EPS15: variants seen among roughly 807,000 people sequenced by gnomAD.
The protein encoded by EPS15 is epidermal growth factor receptor pathway substrate 15, also known as epidermal growth factor receptor substrate 15.
Under a neutral mutation model 113.8 loss-of-function variants are expected in EPS15, and 72 were observed. The ratio of observed to expected loss-of-function variants is 0.63; its 90% CI spans 0.52 to 0.77. The LOEUF (loss-of-function observed/expected upper bound fraction) is 0.77, where lower values mean the gene tolerates loss of function less well. EPS15 is among the 30% of genes least tolerant of loss of function. EPS15 has a pLI of 0.00. For synonymous variants in EPS15, 344 were observed against 363.4 expected (o/e 0.95, Z 0.61); for missense variants, 1,048 against 1,045.8 (o/e 1.00, Z -0.03).
At chr1:51,415,897 TGC>T (rs1477322322) in intron 13 of EPS15, among the ~76,000 whole-genome samples, 1 of 149,664 alleles carries the variant, frequency 6.7e-6, no homozygotes, top group Non-Finnish European at 1.5e-5. Flanking sequence ...ATTATTAAAC[TGC>T]ACAAAATCAA....
chr1:51,386,140 C>A (rs1647065106), intron 21 of EPS15, among the ~76,000 whole-genome samples: 1 of 152,196 alleles, frequency 6.6e-6, no homozygotes, highest in Non-Finnish European at 1.5e-5. Context: ...AGAAGAGCAG[C>A]TGGCTCATTT....
rs1340872992 is a variant in EPS15 at position 51,354,408 on chromosome 1, T to C, written c.*2292A>G. 5.5e-6 allele frequency: 1 copy of C among 180,228 alleles called. No individual in the cohort carries two copies. Among genetic ancestry groups the C allele is most frequent in the African/African-American group, 2.4e-5 (1 of 42,382 alleles). The allele number at this position is 180,228 out of a possible 1,614,324, so 11.2% of individuals were successfully genotyped here. On this transcript the variant is annotated 3_prime_UTR_variant, in exon 25 of 25. Coordinates refer to ENST00000371733, the MANE Select transcript of EPS15 (RefSeq NM_001981.3). ...GAACCATGCAAAACTCAATTGCAAA[T>C]TGGATATATGGATGGGATTCTTTAT... is the stretch of plus-strand genomic sequence containing the variant.
chr1:51,362,179 A>C (rs1646402120), intron 23 of EPS15, among the ~76,000 whole-genome samples: 1 of 152,344 alleles, frequency 6.6e-6, no homozygotes, highest in Admixed American at 6.5e-5. Context: ...AGATTCCATC[A>C]CTGTAGCTGC....
chr1:51,375,108 T>G (rs1646766255), intron 21 of EPS15, among the ~76,000 whole-genome samples: 1 of 149,908 alleles, frequency 6.7e-6, no homozygotes, highest in South Asian at 2.1e-4. Context: ...TTCACGCCAT[T>G]CTCCTGCCTC....
chr1:51,481,284 A>G lies in EPS15; in HGVS notation c.64T>C (p.Tyr22His). The G allele has an allele frequency of 7.3e-7, 1 of 1,372,300 alleles. No homozygotes were observed. Among genetic ancestry groups the G allele is most frequent in the Non-Finnish European group, 1.0e-6 (1 of 963,358 alleles). 85.0% of individuals were successfully genotyped at this position (1,372,300 alleles called of 1,614,324 possible). ...LSSGNPVYEK[Y>H]YRQVDTGNTG... ...AACAAAAATCTTACCTGTCTATAGT[A>G]TTTTTCATATACAGGATTCCCACTT... Residue 22 changes from tyrosine to histidine, a missense_variant, in exon 2 of 25, where the codon TAC (tyrosine) becomes CAC (histidine). Physicochemically the swap from Tyr to His is moderately conservative, Grantham distance 83. Transcript: ENST00000371733.
chr1:51,505,852 C>A (rs990980751), intron 1 of EPS15, among the ~76,000 whole-genome samples: 2 of 150,576 alleles, frequency 1.3e-5, no homozygotes, highest in Non-Finnish European at 3.0e-5. Flanking sequence ...AGTGCAATGG[C>A]GCAATCTTGG....
At chr1:51,453,299 T>G (rs1280453072) in intron 8 of EPS15, among the ~76,000 whole-genome samples, 1 of 152,138 alleles carries the variant, frequency 6.6e-6, no homozygotes, top group African/African-American at 2.4e-5. Flanking sequence ...AGACAACACA[T>G]TTTTATGAAA....
chr1:51,466,360 G>A (rs968011655), intron 5 of EPS15, among the ~76,000 whole-genome samples: 13 of 151,902 alleles, frequency 8.6e-5, no homozygotes, highest in South Asian at 4.2e-4. Context: ...GGTGGCTCAC[G>A]TCTGTAATCC....
At chr1:51,500,770 G>A (rs1452126917) in intron 1 of EPS15, among the ~76,000 whole-genome samples, 1 of 151,774 alleles carries the variant, frequency 6.6e-6, no homozygotes, top group Admixed American at 6.6e-5. Context: ...GGATCACGAG[G>A]TCAGGAGTTT....
intron 8 of EPS15, among the ~76,000 whole-genome samples, chr1:51,453,749 C>T (rs1244461760): frequency 1.3e-5 from 2 of 151,864 alleles, no homozygotes; most frequent in Admixed American, 1.3e-4. Context: ...TTACTAACAG[C>T]TGTCCACTTT....
At chr1:51,446,627 G>A (rs564077438) in intron 10 of EPS15, among the ~76,000 whole-genome samples, 1 of 152,088 alleles carries the variant, frequency 6.6e-6, no homozygotes, top group East Asian at 1.9e-4. Context: ...CTAATTTTTT[G>A]TGTTTTTAGT....
chr1:51,403,241 G>A (rs746748897), intron 17 of EPS15, among the ~76,000 whole-genome samples, 178 bp downstream of exon 17: 1 of 152,056 alleles, frequency 6.6e-6, no homozygotes, highest in Non-Finnish European at 1.5e-5. Flanking sequence ...ATAAATTCAA[G>A]GGGCACAAGT....
At chr1:51,508,248 AAGAGAGAG>A (rs151142424) in intron 1 of EPS15, among the ~76,000 whole-genome samples, 1 of 103,960 alleles carries the variant, frequency 9.6e-6, no homozygotes, top group Non-Finnish European at 1.8e-5. Context: ...GAAAGAGAGA[AAGAGAGAG>A]AGAGAGAGAG....
intron 6 of EPS15, among the ~76,000 whole-genome samples, chr1:51,464,525 C>T (rs1426699278): frequency 6.6e-6 from 1 of 151,954 alleles, no homozygotes; most frequent in Non-Finnish European, 1.5e-5. Context: ...CAGGCATGAG[C>T]CACAAATAAA....
At position 51,465,303 on chromosome 1, in the gene EPS15, T is replaced by G. The variant is rs1654767178; in HGVS notation, c.333A>C (p.Leu111=). The change falls in exon 6 of 25, where the codon CTA becomes CTC. Residue 111 remains leucine (L), a synonymous_variant. Coordinates refer to ENST00000371733, the MANE Select transcript of EPS15 (RefSeq NM_001981.3). ...GCTCAGCTGCAGAGGTTCCACTGAT[T>G]AGCAAAGGACTACTGGTATCATGCT... The part of the protein sequence containing the change: ...PRFHDTSSPL[L]ISGTSAAELP... 1 of 1,611,474 alleles carries G rather than the reference T, an allele frequency of 6.2e-7. No homozygotes were observed. Among genetic ancestry groups the G allele is most frequent in the Non-Finnish European group, 8.5e-7 (1 of 1,178,172 alleles).
At chr1:51,412,551 G>A (rs927651863) in intron 13 of EPS15, among the ~76,000 whole-genome samples, 2 of 152,064 alleles carry the variant, frequency 1.3e-5, no homozygotes, top group African/African-American at 4.8e-5. Flanking sequence ...TTTCAAACTG[G>A]TGAACTCCTT....
intron 8 of EPS15, among the ~76,000 whole-genome samples, chr1:51,455,253 T>C (rs1348561113): frequency 1.3e-5 from 2 of 152,226 alleles, no homozygotes; most frequent in African/African-American, 4.8e-5. Flanking sequence ...TCACTGGCAG[T>C]AGCATAATTT....
At chr1:51,410,549 T>G (rs564501734) in intron 13 of EPS15, among the ~76,000 whole-genome samples, 127 of 152,308 alleles carry the variant, frequency 8.3e-4, no homozygotes, top group African/African-American at 3.0e-3. Flanking sequence ...TATTCATCCA[T>G]GTACATACCA....
intron 24 of EPS15, among the ~76,000 whole-genome samples, chr1:51,357,299 C>T (rs1433256597): frequency 1.4e-5 from 2 of 146,680 alleles, no homozygotes; most frequent in African/African-American, 5.1e-5. Flanking sequence ...ATCACTTGAA[C>T]CCAGGAGGCA....
Sources: gnomAD v4.1 joint callset for allele counts (sites outside exome capture counted in the v4.1 genomes callset) on GRCh38, gnomAD v4.1.1 for gene constraint, MANE v1.5 for transcripts, NCBI Gene and HGNC (gene_info 2026-07-23, HGNC 2026-07-21) for gene names.